FREM1: variants seen among roughly 807,000 people sequenced by gnomAD.
FREM1 encodes FRAS1 related extracellular matrix 1, also known as FRAS1-related extracellular matrix protein 1.
Under a neutral mutation model 210.1 loss-of-function variants are expected in FREM1, and 220 were observed. That is an observed-to-expected ratio of 1.05 (90% CI 0.94 to 1.17). The LOEUF is 1.17. Ranked by LOEUF, FREM1 falls within the 50% of genes most tolerant of loss-of-function variation. FREM1 has a pLI of 0.00. For missense variants in FREM1, 3,454 were observed against 2,675.5 expected, an observed-to-expected ratio of 1.29 and a Z score of -6.42; for synonymous variants, 1,189 against 980.2, an observed-to-expected ratio of 1.21 and a Z score of -3.98.
chr9:14,872,022 T>A (rs184362113), intron 1 of FREM1, among the ~76,000 whole-genome samples: 14 of 152,318 alleles, frequency 9.2e-5, no homozygotes, highest in Admixed American at 3.9e-4. Flanking sequence ...GTTCCATTGA[T>A]CTATATCTCT....
Position 14,851,497 on chromosome 9 carries a change from G to T in FREM1, c.939C>A (p.Thr313=). 6.2e-7 allele frequency: 1 copy of T among 1,613,940 alleles called. No homozygotes were observed. The highest frequency in any genetic ancestry group is 8.5e-7 in the Non-Finnish European group (1 of 1,179,822). The change falls in exon 6 of 37, where the codon ACC becomes ACA. Residue 313 remains threonine, a synonymous_variant. Coordinates refer to ENST00000380880, the MANE Select transcript of FREM1 (RefSeq NM_001379081.2). ...AGTCCAGAACTGATGTAGTCAAGGA[G>T]GTCAGGATGAACTGATCCACTTCCA... The part of the protein sequence containing the change: ...FILEVDQFIL[T]SLTTSVLDCE...
At chr9:14,778,681 GAGGGAAGGGA>G (rs1197881325) in intron 24 of FREM1, among the ~76,000 whole-genome samples, 2,335 of 11,198 alleles carry the variant, frequency 0.21, 304 homozygotes, top group Middle Eastern at 0.43. Context: ...GGAGGGGAGG[GAGGGAAGGGA>G]AGGGAAGGGA....
intron 25 of FREM1, among the ~76,000 whole-genome samples, chr9:14,771,330 C>CA (rs1847538551): frequency 6.6e-6 from 1 of 151,722 alleles, no homozygotes. Context: ...TTTCAACTGG[C>CA]AAAAATGTTG....
At chr9:14,739,248 T>G (rs985923935) in intron 36 of FREM1, among the ~76,000 whole-genome samples, 1 of 150,918 alleles carries the variant, frequency 6.6e-6, no homozygotes, top group Non-Finnish European at 1.5e-5. Flanking sequence ...GGACTACTGT[T>G]AGCTGCCACC....
At position 14,750,150 on chromosome 9, in the gene FREM1, A is replaced by G. The variant is rs372035001; in HGVS notation, c.5534T>C (p.Val1845Ala). The change falls in exon 30 of 37, where the codon GTG becomes GCG. Residue 1845 changes from valine (V) to alanine (A), a missense_variant. By Grantham distance (64) the Val-to-Ala change is moderately conservative (BLOSUM62 0). Transcript: ENST00000380880. ...AVLGTKTKAAVKILDSKGGQC... is the reference protein window; with the variant it reads ...AVLGTKTKAAAKILDSKGGQC... Reference sequence around the variant, plus strand: ...ACCTCCTTTTGAGTCCAAAATTTTCACTGCAGCTTTTGTCTTTGTGCCAAG... The same window carrying G: ...ACCTCCTTTTGAGTCCAAAATTTTCGCTGCAGCTTTTGTCTTTGTGCCAAG... The G allele has an allele frequency of 1.9e-6, 3 of 1,613,778 alleles. No individual in the cohort carries two copies. In the African/African-American group the frequency reaches 4.0e-5, roughly 22 times the overall value.
chr9:14,806,285 C>T (rs1386633121), intron 18 of FREM1, among the ~76,000 whole-genome samples: 8 of 37,548 alleles, frequency 2.1e-4, no homozygotes, highest in East Asian at 5.5e-4. Context: ...ACGGAGTTTC[C>T]GCTCCTGCTG....
intron 27 of FREM1, among the ~76,000 whole-genome samples, chr9:14,765,486 T>C (rs1022082072): frequency 1.8e-4 from 27 of 152,202 alleles, no homozygotes; most frequent in Admixed American, 2.0e-4. Flanking sequence ...TTAGTATGTA[T>C]AAAGCACCTG....
intron 28 of FREM1, among the ~76,000 whole-genome samples, chr9:14,758,339 G>T (rs1844809522): frequency 6.6e-6 from 1 of 152,158 alleles, no homozygotes; most frequent in Admixed American, 6.5e-5. Context: ...ATGGTGGCGT[G>T]GCCCAAAACT....
Position 14,842,267 on chromosome 9 carries a change from T to C in FREM1, c.1738+49A>G, listed in dbSNP as rs759446888. On this transcript the variant is annotated intron_variant, in intron 9 of 36. Transcript: ENST00000380880. Reference sequence around the variant, plus strand: ...CCAGAAGGATGCATAGAAGGTTCTCTATGGAAGAGTGAATTCCATTCAAAT... The same window carrying C: ...CCAGAAGGATGCATAGAAGGTTCTCCATGGAAGAGTGAATTCCATTCAAAT... 9.1e-6 allele frequency: 11 copies of C among 1,204,918 alleles called. No homozygotes were observed. In the Admixed American group the frequency reaches 1.1e-4, roughly 12 times the overall value. 74.6% of individuals were successfully genotyped at this position (1,204,918 alleles called of 1,614,324 possible).
At chr9:14,770,565 A>C in intron 26 of FREM1, 40 bp downstream of exon 26, 1 of 1,485,054 alleles carries the variant, frequency 6.7e-7, no homozygotes, top group Non-Finnish European at 9.4e-7. Flanking sequence ...GCCACTGGGT[A>C]TTTTAAAATG....
rs776997415 is a variant in FREM1 at position 14,801,768 on chromosome 9, T to C, written c.3578A>G (p.His1193Arg). The change falls in exon 20 of 37, where the codon CAT (histidine) becomes CGT (arginine). Residue 1193 changes from histidine to arginine, a missense_variant. Physicochemically the swap from His to Arg is conservative, Grantham distance 29 (BLOSUM62 0). Coordinates refer to ENST00000380880, the MANE Select transcript of FREM1 (RefSeq NM_001379081.2). ...AAACCCCCTATCGATGAGGAGGCCATGGCGTGGCTTTTGAGTGATGCTGAA... is the reference window on the plus strand; with the variant it reads ...AAACCCCCTATCGATGAGGAGGCCACGGCGTGGCTTTTGAGTGATGCTGAA... The part of the protein sequence containing the change: ...LLFSITQKPR[H>R]GLLIDRGFSK... 29 of 1,613,880 alleles carry C rather than the reference T, an allele frequency of 1.8e-5. No individual in the cohort carries two copies. Among genetic ancestry groups the C allele is most frequent in the Non-Finnish European group, 2.4e-5 (28 of 1,179,880 alleles).
intron 36 of FREM1, among the ~76,000 whole-genome samples, chr9:14,738,642 C>T (rs909585970): frequency 3.9e-5 from 6 of 152,106 alleles, no homozygotes; most frequent in East Asian, 1.9e-4. Flanking sequence ...TCAAATACAA[C>T]GCCTTTAAAG....
chr9:14,908,535 G>C (rs142554194), intron 1 of FREM1, among the ~76,000 whole-genome samples: 278 of 151,930 alleles, frequency 1.8e-3, no homozygotes, highest in African/African-American at 6.5e-3. Flanking sequence ...AAAAGGCAGA[G>C]ATGAAAAGGG....
Position 14,859,276 on chromosome 9 carries a change from T to G in FREM1, c.538A>C (p.Thr180Pro), listed in dbSNP as rs1281946328. 1.2e-6 allele frequency: 2 copies of G among 1,612,334 alleles called. No homozygotes were observed. The highest frequency in any genetic ancestry group is 1.7e-6 in the Non-Finnish European group (2 of 1,179,370). Residue 180 changes from threonine to proline, a missense_variant, in exon 4 of 37, where the codon ACT becomes CCT. Coordinates refer to ENST00000380880, the MANE Select transcript of FREM1 (RefSeq NM_001379081.2). ...ATCTGGCCATGGGCTGGCAGCCGAG[T>G]TCTCGCAGTGTCCAGGCTGACGGTA... is the stretch of plus-strand genomic sequence containing the variant. ...ECTVSLDTARTRLPAHGQMVL... is the reference protein window; with the variant it reads ...ECTVSLDTARPRLPAHGQMVL...
At chr9:14,823,126 C>T in intron 13 of FREM1, 34 bp downstream of exon 13, 3 of 1,521,910 alleles carry the variant, frequency 2.0e-6, no homozygotes, top group Admixed American at 1.8e-5. Flanking sequence ...TTCTTTTCCT[C>T]CTTTTCATCC....
intron 31 of FREM1, among the ~76,000 whole-genome samples, chr9:14,748,090 A>T (rs939384396): frequency 7.9e-5 from 12 of 152,222 alleles, no homozygotes; most frequent in African/African-American, 2.7e-4. Flanking sequence ...TCCACACCCA[A>T]TCGCATCATT....
At chr9:14,827,662 T>G (rs1327150339) in intron 10 of FREM1, among the ~76,000 whole-genome samples, 1 of 152,352 alleles carries the variant, frequency 6.6e-6, no homozygotes, top group Non-Finnish European at 1.5e-5. Flanking sequence ...AGAAACCAGC[T>G]GCTATTTATC....
chr9:14,793,344 T>A (rs1372966716), intron 21 of FREM1, among the ~76,000 whole-genome samples: 1 of 152,154 alleles, frequency 6.6e-6, no homozygotes, highest in Non-Finnish European at 1.5e-5. Context: ...CCATTCTGAG[T>A]TAGGTGATAG....
intron 35 of FREM1, among the ~76,000 whole-genome samples, chr9:14,744,926 A>G (rs987829235): frequency 6.6e-6 from 1 of 152,190 alleles, no homozygotes; most frequent in Non-Finnish European, 1.5e-5. Context: ...ACCATGGAAT[A>G]CTATGCAGCC....
Sources: allele counts gnomAD v4.1 joint callset (sites outside exome capture counted in the v4.1 genomes callset), GRCh38; gene constraint gnomAD v4.1.1; transcripts MANE v1.5; gene names NCBI Gene and HGNC (gene_info 2026-07-23, HGNC 2026-07-21).